IPO4: variants seen among roughly 807,000 people sequenced by gnomAD.
IPO4 encodes importin-4.
IPO4 carries 91 observed loss-of-function variants against 133.5 expected under a neutral mutation model. The observed-to-expected ratio is 0.68, with a 90% confidence interval of 0.58 to 0.81. The LOEUF is 0.81. Among genes scored for constraint, IPO4 ranks in the 30% least tolerant of loss-of-function variants. The pLI, the probability that IPO4 is intolerant of heterozygous loss-of-function variation, is 0.00. For synonymous variants in IPO4, 607 were observed against 581.6 expected, an observed-to-expected ratio of 1.04 and a Z score of -0.63; for missense variants, 1,279 against 1,386.2, an observed-to-expected ratio of 0.92 and a Z score of 1.23.
chr14:24,185,392 T>C, intron 13 of IPO4, 67 bp downstream of exon 13: 1 of 1,611,636 alleles, frequency 6.2e-7, no homozygotes, highest in Non-Finnish European at 8.5e-7. Context: ...GCAGGGATGC[T>C]TGAAGAGATG....
chr14:24,184,308 G>T lies in IPO4; in HGVS notation c.1747C>A (p.Arg583=). ...LCDQVDDPDL[R]RCTYSLFAAL... ...TGAGGGGTCACTCACGTGCAGCGCC[G>T]CAAGTCAGGGTCGTCTACCTGGTCG... is the stretch of plus-strand genomic sequence containing the variant. The change falls in exon 17 of 30, where the codon CGG becomes AGG. Residue 583 remains arginine (R), a synonymous_variant. Coordinates refer to ENST00000354464, the MANE Select transcript of IPO4 (RefSeq NM_024658.4). 6.3e-7 allele frequency: 1 copy of T among 1,583,312 alleles called. No individual in the cohort carries two copies. The highest frequency in any genetic ancestry group is 8.6e-7 in the Non-Finnish European group (1 of 1,164,810).
intron 6 of IPO4, 102 bp from the exon 7 acceptor site, chr14:24,187,252 C>T: frequency 3.4e-6 from 5 of 1,469,720 alleles, no homozygotes; most frequent in Non-Finnish European, 4.7e-6. Context: ...CCAGGCATAA[C>T]AGCCAGGCCC....
rs780042976 is a variant in IPO4 at position 24,187,836 on chromosome 14, C to A, written c.279-40G>T. 3 of 1,611,758 alleles carry A rather than the reference C, an allele frequency of 1.9e-6. No individual in the cohort carries two copies. In the South Asian group the frequency reaches 3.3e-5, roughly 18 times the overall value. ...GATCTCCTCCAATCACCCTTCAATA[C>A]CTTCCTCTGCACACAGTGGCCAGGC... On this transcript the variant is annotated intron_variant, in intron 4 of 29. Transcript: ENST00000354464.
intron 11 of IPO4, 51 bp downstream of exon 11, chr14:24,186,078 G>A (rs547510374): frequency 5.0e-6 from 8 of 1,607,386 alleles, no homozygotes; most frequent in Middle Eastern, 1.7e-4. Flanking sequence ...GCCTCAGGGG[G>A]ACTAGGCACA....
In IPO4 at chr14:24,180,284, TC is replaced by T; in HGVS notation, c.*157del. 6.6e-7 allele frequency: 1 copy of T among 1,526,104 alleles called. No individual in the cohort carries two copies. The highest frequency in any genetic ancestry group is 1.4e-5 in the African/African-American group (1 of 72,976). The allele number at this position is 1,526,104 out of a possible 1,614,324, so 94.5% of individuals were successfully genotyped here. On this transcript the variant is annotated 3_prime_UTR_variant, in exon 30 of 30. Coordinates refer to ENST00000354464, the MANE Select transcript of IPO4 (RefSeq NM_024658.4). ...GATGTCATGACTCATTTGTAACAGA[TC>T]CAGCCTCAGGGACAGCCCTGTAAGG...
At chr14:24,181,324 C>T (rs542326801) in intron 28 of IPO4, among the ~76,000 whole-genome samples, 189 bp downstream of exon 28, 9 of 152,358 alleles carry the variant, frequency 5.9e-5, no homozygotes, top group African/African-American at 1.9e-4. Context: ...TGTCCCATCA[C>T]AGGACTGGCT....
chr14:24,183,506 A>G lies in IPO4; in HGVS notation c.2071T>C (p.Phe691Leu), dbSNP rs367673659. Residue 691 changes from phenylalanine (F) to leucine (L), a missense_variant, in exon 21 of 30, where the codon TTC (phenylalanine) becomes CTC (leucine). Physicochemically the swap from Phe to Leu is conservative, Grantham distance 22. This residue lies in a region of IPO4 where 575 missense variants were observed against 653.4 expected (regional missense o/e 0.88). Coordinates refer to ENST00000354464, the MANE Select transcript of IPO4 (RefSeq NM_024658.4). Reference sequence around the variant, plus strand: ...AAGACACTTTCCATGTATGGAAGGAAGGCCACACTACAGAGAGAGACACAG... The same window carrying G: ...AAGACACTTTCCATGTATGGAAGGAGGGCCACACTACAGAGAGAGACACAG... ...GEISVNTSVAFLPYMESVFEE... is the reference protein window; with the variant it reads ...GEISVNTSVALLPYMESVFEE... The G allele has an allele frequency of 2.5e-6, 4 of 1,613,906 alleles. No individual in the cohort carries two copies. In the African/African-American group the frequency reaches 5.3e-5, roughly 22 times the overall value.
intron 28 of IPO4, 120 bp from the exon 29 acceptor site, chr14:24,180,878 T>A: frequency 1.4e-6 from 1 of 702,164 alleles, no homozygotes; most frequent in Non-Finnish European, 2.3e-6. Context: ...TGGTACTGAT[T>A]CACAGGCATC....
At chr14:24,186,057 A>T (rs1038061400) in intron 11 of IPO4, 72 bp downstream of exon 11, 7 of 1,601,546 alleles carry the variant, frequency 4.4e-6, no homozygotes, top group Non-Finnish European at 6.0e-6. Context: ...CCCAGGGTCT[A>T]AACGTCGTTG....
Position 24,180,690 on chromosome 14 carries a change from T to A in IPO4, c.3114A>T (p.Pro1038=). 1 of 1,614,092 alleles carries A rather than the reference T, an allele frequency of 6.2e-7. No homozygotes were observed. Among genetic ancestry groups the A allele is most frequent in the Non-Finnish European group, 8.5e-7 (1 of 1,179,986 alleles). Residue 1038 remains proline, a splice_region_variant and synonymous_variant, in exon 29 of 30, where the codon CCA becomes CCT. Coordinates refer to ENST00000354464, the MANE Select transcript of IPO4 (RefSeq NM_024658.4). ...SLILADNKIP[P]DTKAALLLLL... is the part of the protein sequence containing the mutation. ...CCTGCCTATGACTCCTACCCTCACCTGGTGGGATCTTGTTGTCAGCCAGAA... is the reference window on the plus strand; with the variant it reads ...CCTGCCTATGACTCCTACCCTCACCAGGTGGGATCTTGTTGTCAGCCAGAA...
chr14:24,182,410 A>G lies in IPO4; in HGVS notation c.2473-7T>C, dbSNP rs1415934474. Reference sequence around the variant, plus strand: ...ACATGGCGTCGTATTCAGCCTGTGGAGCCAGGTCAGGGGCTGGAGCACCAG... The same window carrying G: ...ACATGGCGTCGTATTCAGCCTGTGGGGCCAGGTCAGGGGCTGGAGCACCAG... On this transcript the variant is annotated splice_polypyrimidine_tract_variant and splice_region_variant and intron_variant, in intron 24 of 29. Coordinates refer to ENST00000354464, the MANE Select transcript of IPO4 (RefSeq NM_024658.4). 9.3e-6 allele frequency: 15 copies of G among 1,604,482 alleles called. No individual in the cohort carries two copies. Among genetic ancestry groups the G allele is most frequent in the Non-Finnish European group, 1.3e-5 (15 of 1,176,568 alleles).
rs1298738317 is a variant in IPO4 at position 24,187,591 on chromosome 14, T to G, written c.409-12A>C. ...AGCAAAAGCCCCATCTGTCCAAGAATAGAGGATGGGAGAGCAAGCTTACAA... is the reference window on the plus strand; with the variant it reads ...AGCAAAAGCCCCATCTGTCCAAGAAGAGAGGATGGGAGAGCAAGCTTACAA... On this transcript the variant is annotated splice_polypyrimidine_tract_variant and intron_variant, in intron 5 of 29. Transcript: ENST00000354464. 1 of 1,614,140 alleles carries G rather than the reference T, an allele frequency of 6.2e-7. No individual in the cohort carries two copies. The highest frequency in any genetic ancestry group is 1.7e-5 in the Admixed American group (1 of 60,028).
Position 24,182,040 on chromosome 14 carries a change from C to T in IPO4, c.2722G>A (p.Ala908Thr), listed in dbSNP as rs773597112. 2.2e-5 allele frequency: 36 copies of T among 1,613,428 alleles called. No homozygotes were observed. In the East Asian group the frequency reaches 2.5e-4, roughly 11 times the overall value. The change falls in exon 26 of 30, where the codon GCC becomes ACC. Residue 908 changes from alanine to threonine, a missense_variant. Ala to Thr is a moderately conservative substitution (Grantham distance 58, BLOSUM62 0). Around this residue, in one of 3 missense-constraint regions of IPO4, gnomAD observed 575 missense variants for 653.4 expected, o/e 0.88. Transcript: ENST00000354464. ...SRLLPVLLST[A>T]QEADPEVRSN... ...CGCACCTCGGGGTCTGCCTCTTGGG[C>T]GGTGCTCAACAGCACAGGGAGCAGC... is the stretch of plus-strand genomic sequence containing the variant.
In IPO4 at chr14:24,186,426, G is replaced by A. The variant is rs562893105; in HGVS notation, c.866C>T (p.Pro289Leu). 6 of 1,598,012 alleles carry A rather than the reference G, an allele frequency of 3.8e-6. No homozygotes were observed. Among genetic ancestry groups the A allele is most frequent in the Middle Eastern group, 1.7e-4 (1 of 5,980 alleles). Reference protein sequence around the residue: ...SKALLKNRLLPPLLHTLFPIV... With the variant: ...SKALLKNRLLLPLLHTLFPIV... Reference sequence around the variant, plus strand: ...GGGGAAAAGGGTGTGCAGCAAGGGTGGCAGGAGACGATTCTTCAGTAAGGC... The same window carrying A: ...GGGGAAAAGGGTGTGCAGCAAGGGTAGCAGGAGACGATTCTTCAGTAAGGC... Residue 289 changes from proline (P) to leucine (L), a missense_variant, in exon 10 of 30, where the codon CCA becomes CTA. By Grantham distance (98) the Pro-to-Leu change is moderately conservative. Coordinates refer to ENST00000354464, the MANE Select transcript of IPO4 (RefSeq NM_024658.4).
chr14:24,183,073 A>C lies in IPO4; in HGVS notation c.2324T>G (p.Leu775Arg), dbSNP rs1239308685. 2 of 1,613,842 alleles carry C rather than the reference A, an allele frequency of 1.2e-6. No individual in the cohort carries two copies. The highest frequency in any genetic ancestry group is 2.2e-5 in the South Asian group (2 of 91,086). Residue 775 changes from leucine to arginine, a missense_variant, in exon 23 of 30, where the codon CTG becomes CGG. Physicochemically the swap from Leu to Arg is moderately radical, Grantham distance 102 (BLOSUM62 -2). Transcript: ENST00000354464. Reference protein sequence around the residue: ...RQVVMAVLEALTGVLRSCGTL... With the variant: ...RQVVMAVLEARTGVLRSCGTL... ...CCCACAGCTGCGGAGCACCCCTGTC[A>C]GGGCCTCCAGCACGGCCATCACCAC...
intron 16 of IPO4, 114 bp downstream of exon 16, chr14:24,184,535 AC>A: frequency 7.0e-7 from 1 of 1,435,794 alleles, no homozygotes; most frequent in Non-Finnish European, 9.4e-7. Flanking sequence ...CATGAAGCAC[AC>A]CCCTTTGATG....
rs767279897 is a variant in IPO4, at chr14:24,184,098, A to G, written c.1769T>C (p.Phe590Ser). 2 of 1,612,350 alleles carry G rather than the reference A, an allele frequency of 1.2e-6. No homozygotes were observed. Among genetic ancestry groups the G allele is most frequent in the Non-Finnish European group, 1.7e-6 (2 of 1,179,718 alleles). The change falls in exon 18 of 30, where the codon TTT becomes TCT. Residue 590 changes from phenylalanine (F) to serine (S), a missense_variant. By Grantham distance (155) the Phe-to-Ser change is radical. Around this residue, in one of 3 missense-constraint regions of IPO4, gnomAD observed 575 missense variants for 653.4 expected, o/e 0.88. Coordinates refer to ENST00000354464, the MANE Select transcript of IPO4 (RefSeq NM_024658.4). ...PDLRRCTYSL[F>S]AALSGLMGEG... ...ACCCATCAGACCCGATAAGGCTGCA[A>G]ATAGGCTGTACCTGGTCAAAGCAGG... is the stretch of plus-strand genomic sequence containing the variant.
At position 24,186,741 on chromosome 14, in the gene IPO4, G is replaced by A; in HGVS notation, c.807C>T (p.Cys269=). Residue 269 remains cysteine, a synonymous_variant, in exon 9 of 30, where the codon TGC becomes TGT. Transcript: ENST00000354464. ...LGNAIRIRIL[C]CLTFLVKVKS... is the part of the protein sequence containing the mutation. Reference sequence around the variant, plus strand: ...TGACTTTGACCAAGAAAGTGAGGCAGCAGAGAATACGTATGCGTATCGCAT... The same window carrying A: ...TGACTTTGACCAAGAAAGTGAGGCAACAGAGAATACGTATGCGTATCGCAT... The A allele has an allele frequency of 6.2e-7, 1 of 1,614,194 alleles. No individual in the cohort carries two copies. The highest frequency in any genetic ancestry group is 1.1e-5 in the South Asian group (1 of 91,088).
At chr14:24,183,972 G>GGGCCCCCCCCC in intron 18 of IPO4, 26 bp downstream of exon 18, 1 of 1,573,212 alleles carries the variant, frequency 6.4e-7, no homozygotes, top group Non-Finnish European at 8.6e-7. Flanking sequence ...GGCAGGCCTG[G>GGGCCCCCCCCC]CCCAGCCCAC....
Sources: gnomAD v4.1 joint callset for allele counts (sites outside exome capture counted in the v4.1 genomes callset) on GRCh38, gnomAD v4.1.1 for gene constraint, gnomAD v4.1.1 regional missense constraint, MANE v1.5 for transcripts, NCBI Gene and HGNC (gene_info 2026-07-23, HGNC 2026-07-21) for gene names.